GPR161: variants seen among roughly 807,000 people sequenced by gnomAD.
The protein encoded by GPR161 is G protein-coupled receptor 161, also known as G-protein coupled receptor RE2.
GPR161 carries 25 observed loss-of-function variants against 39.2 expected under a neutral mutation model. The observed-to-expected ratio is 0.64, with a 90% CI of 0.47 to 0.89. The LOEUF (loss-of-function observed/expected upper bound fraction) is 0.89, where lower values mean the gene tolerates loss of function less well. Among genes scored for constraint, GPR161 ranks in the 40% least tolerant of loss-of-function variants. GPR161 has a pLI of 0.00. For synonymous variants in GPR161, 286 were observed against 276.6 expected (o/e 1.03, Z -0.34); for missense variants, 547 against 677.8 (o/e 0.81, Z 2.14).
chr1:168,092,432 G>A (rs1695152165), intron 3 of GPR161, among the ~76,000 whole-genome samples: 1 of 152,244 alleles, frequency 6.6e-6, no homozygotes, highest in Non-Finnish European at 1.5e-5. Flanking sequence ...GGGGCAGCCA[G>A]GTGGCATCCC....
At chr1:168,111,622 T>G (rs1697179505) in intron 1 of GPR161, among the ~76,000 whole-genome samples, 1 of 152,180 alleles carries the variant, frequency 6.6e-6, no homozygotes, top group Admixed American at 6.6e-5. Context: ...GGCTAATAAA[T>G]TAATAAATCC....
At position 168,084,653 on chromosome 1, in the gene GPR161, AG is replaced by A; in HGVS notation, c.*877del. On this transcript the variant is annotated 3_prime_UTR_variant, in exon 6 of 6. Transcript: ENST00000682931. ...CATCACACATAGAATCTATTTAATG[AG>A]GCTTTCCCATGTGAACAAATTCCCT... is the stretch of plus-strand genomic sequence containing the variant. 2.7e-6 allele frequency: 1 copy of A among 365,466 alleles called. No homozygotes were observed. Among genetic ancestry groups the A allele is most frequent in the South Asian group, 2.1e-5 (1 of 47,672 alleles). 22.6% of individuals were successfully genotyped at this position (365,466 alleles called of 1,614,324 possible).
upstream of GPR161, chr1:168,137,086 T>C: frequency 1.1e-6 from 1 of 918,812 alleles, no homozygotes. Context: ...TTCGCGTCCG[T>C]CCGCCCGCCC....
chr1:168,137,622 C>T (rs1229055524), upstream of GPR161: 6 of 587,650 alleles, frequency 1.0e-5, no homozygotes, highest in Non-Finnish European at 1.8e-5. Context: ...CGGAACAGTT[C>T]CTTCTCAGAA....
At chr1:168,102,839 C>CA (rs11383567) in intron 2 of GPR161, among the ~76,000 whole-genome samples, 49,053 of 134,898 alleles carry the variant, frequency 0.36, 8,550 homozygotes, top group Admixed American at 0.48. Context: ...CTTAATAATT[C>CA]AAAAAAAAAA....
At position 168,091,315 on chromosome 1, in the gene GPR161, C is replaced by T. The variant is rs138219040; in HGVS notation, c.1100-647G>A. ...GTAGGAGAGGAGAGAGAGTGAGCCC[C>T]GGGCACAGCCGCGGCAGAAGCGACC... On this transcript the variant is annotated intron_variant, in intron 3 of 5. Coordinates refer to ENST00000682931, the MANE Select transcript of GPR161 (RefSeq NM_001375883.1). Among the ~76,000 whole-genome samples the T allele has an allele frequency of 5.9e-3, 892 of 152,270 alleles. 9 individuals carry two copies. The highest frequency in any genetic ancestry group is 0.02 in the African/African-American group (849 of 41,540).
intron 1 of GPR161, among the ~76,000 whole-genome samples, chr1:168,125,622 C>CA (rs1278107584): frequency 2.0e-4 from 27 of 137,400 alleles, no homozygotes; most frequent in African/African-American, 2.8e-4. Context: ...TGCTTCCCCC[C>CA]CCTTTTTTTT....
chr1:168,100,003 C>T (rs1695942996), intron 2 of GPR161, among the ~76,000 whole-genome samples: 1 of 151,836 alleles, frequency 6.6e-6, no homozygotes, highest in Non-Finnish European at 1.5e-5. Flanking sequence ...GAGTTTGAGA[C>T]CAGACTGGGC....
intron 1 of GPR161, among the ~76,000 whole-genome samples, chr1:168,107,713 C>T (rs1369525106): frequency 6.6e-6 from 1 of 152,116 alleles, no homozygotes; most frequent in Non-Finnish European, 1.5e-5. Context: ...AAAGATATGC[C>T]CATGGTACTC....
At chr1:168,129,703 A>G (rs1698845105) in intron 1 of GPR161, among the ~76,000 whole-genome samples, 1 of 152,224 alleles carries the variant, frequency 6.6e-6, no homozygotes, top group Admixed American at 6.5e-5. Context: ...CATTTTACAG[A>G]TGACAAAATG....
Position 168,096,630 on chromosome 1 carries a change from A to C in GPR161, c.977T>G (p.Leu326Arg). ...TTCTTTGCGAACTGTCTTGTTCCAGAGTCCATAGATCAGGGGGTGGCAGAC... is the reference window on the plus strand; with the variant it reads ...TTCTTTGCGAACTGTCTTGTTCCAGCGTCCATAGATCAGGGGGTGGCAGAC... ...SAVCHPLIYG[L>R]WNKTVRKELL... Residue 326 changes from leucine to arginine, a missense_variant, in exon 3 of 6, where the codon CTC (leucine) becomes CGC (arginine). Transcript: ENST00000682931. The C allele has an allele frequency of 6.2e-7, 1 of 1,614,190 alleles. No individual in the cohort carries two copies. Among genetic ancestry groups the C allele is most frequent in the South Asian group, 1.1e-5 (1 of 91,080 alleles).
intron 1 of GPR161, among the ~76,000 whole-genome samples, chr1:168,124,395 C>A (rs1326548376): frequency 1.3e-5 from 2 of 152,176 alleles, no homozygotes; most frequent in African/African-American, 4.8e-5. Flanking sequence ...AGCCTTTAAG[C>A]AAAATTCATG....
rs1695567044 is a variant in GPR161, at chr1:168,096,601, G to C, written c.1006C>G (p.Leu336Val). Residue 336 changes from leucine (L) to valine (V), a missense_variant, in exon 3 of 6, where the codon CTG (leucine) becomes GTG (valine). By Grantham distance (32) the Leu-to-Val change is conservative. Coordinates refer to ENST00000682931, the MANE Select transcript of GPR161 (RefSeq NM_001375883.1). ...LWNKTVRKEL[L>V]GMCFGDRYYR... is the part of the protein sequence containing the mutation. ...TACCGGTCCCCAAAGCACATGCCCA[G>C]TAGTTCTTTGCGAACTGTCTTGTTC... The C allele has an allele frequency of 6.2e-7, 1 of 1,614,056 alleles. No homozygotes were observed. The highest frequency in any genetic ancestry group is 1.3e-5 in the African/African-American group (1 of 74,938).
At chr1:168,130,644 T>C (rs1390465698) in intron 1 of GPR161, among the ~76,000 whole-genome samples, 14 of 152,224 alleles carry the variant, frequency 9.2e-5, no homozygotes, top group Admixed American at 9.2e-4. Context: ...TCTCTCTATA[T>C]GTTCCCTCTC....
Position 168,085,706 on chromosome 1 carries a change from G to A in GPR161, c.1415C>T (p.Ala472Val), listed in dbSNP as rs1022341428. 8.7e-6 allele frequency: 14 copies of A among 1,614,088 alleles called. No individual in the cohort carries two copies. The highest frequency in any genetic ancestry group is 1.2e-5 in the Non-Finnish European group (14 of 1,180,014). Residue 472 changes from alanine to valine, a missense_variant, in exon 6 of 6, where the codon GCC becomes GTC. Coordinates refer to ENST00000682931, the MANE Select transcript of GPR161 (RefSeq NM_001375883.1). ...YAASLAKAIE[A>V]EAKINLFGEE... The stretch of plus-strand genomic sequence containing the variant: ...CCCAAATAAGTTGATTTTGGCTTCG[G>A]CCTCAATGGCTTTGGCCAAGCTTGC...
chr1:168,136,150 G>A (rs1699343313), intron 1 of GPR161: 1 of 1,269,672 alleles, frequency 7.9e-7, no homozygotes, highest in East Asian at 3.1e-5. Context: ...CTGAGGGGCA[G>A]AGCCGCCCAT....
At chr1:168,112,435 G>C (rs554037784) in intron 1 of GPR161, among the ~76,000 whole-genome samples, 129 of 127,086 alleles carry the variant, frequency 1.0e-3, no homozygotes, top group African/African-American at 3.8e-3. Flanking sequence ...AGCCGAGATC[G>C]CGCCACTACA....
chr1:168,105,195 A>G (rs1012069640), intron 1 of GPR161, among the ~76,000 whole-genome samples: 1 of 152,178 alleles, frequency 6.6e-6, no homozygotes, highest in Non-Finnish European at 1.5e-5. Flanking sequence ...CTGAAGTGCC[A>G]GTTTAGAAAG....
intron 3 of GPR161, among the ~76,000 whole-genome samples, chr1:168,094,575 T>C (rs1695352399): frequency 6.6e-6 from 1 of 152,266 alleles, no homozygotes; most frequent in South Asian, 2.1e-4. Context: ...TCTCCTGTCA[T>C]CATTGCCACT....
Sources: gnomAD v4.1 joint callset for allele counts (sites outside exome capture counted in the v4.1 genomes callset) on GRCh38, gnomAD v4.1.1 for gene constraint, MANE v1.5 for transcripts, NCBI Gene and HGNC (gene_info 2026-07-23, HGNC 2026-07-21) for gene names.